The following IQCJ variants were observed in gnomAD, a reference collection of about 807,000 sequenced individuals.
IQCJ encodes IQ domain-containing protein J.
A neutral mutation model predicts 11.0 loss-of-function variants in IQCJ; 9 were observed. That is an observed-to-expected ratio of 0.82 (90% CI 0.49 to 1.43). The LOEUF (loss-of-function observed/expected upper bound fraction) is 1.43, where lower values mean the gene tolerates loss of function less well. IQCJ is among the 40% of genes most tolerant of loss of function. IQCJ has a pLI of 0.00. For missense variants in IQCJ, 146 were observed against 133.2 expected, an observed-to-expected ratio of 1.10 and a Z score of -0.47; for synonymous variants, 55 against 51.3, an observed-to-expected ratio of 1.07 and a Z score of -0.31.
chr3:159,222,065 A>G lies in IQCJ; in HGVS notation c.10-23778A>G, dbSNP rs140757137. Among the ~76,000 whole-genome samples the G allele has an allele frequency of 4.0e-3, 610 of 152,284 alleles. 2 individuals carry two copies. Among genetic ancestry groups the G allele is most frequent in the Middle Eastern group, 0.024 (7 of 294 alleles). Reference sequence around the variant, plus strand: ...AGTCAAAGCAAGGGAACCATATACTAAAATTGTAATACAAGAAACTTTCCT... The same window carrying G: ...AGTCAAAGCAAGGGAACCATATACTGAAATTGTAATACAAGAAACTTTCCT... On this transcript the variant is annotated intron_variant, in intron 1 of 3. Transcript: ENST00000397832.
At chr3:159,104,430 A>G (rs1402919089) in intron 1 of IQCJ, among the ~76,000 whole-genome samples, 1 of 152,194 alleles carries the variant, frequency 6.6e-6, no homozygotes, top group African/African-American at 2.4e-5. Flanking sequence ...ATACATAGTC[A>G]CTGTGTGTAA....
chr3:159,091,970 G>A (rs1717343309), intron 1 of IQCJ, among the ~76,000 whole-genome samples: 1 of 151,742 alleles, frequency 6.6e-6, no homozygotes, highest in Non-Finnish European at 1.5e-5. Flanking sequence ...TAAGCAAAGA[G>A]TGTCAATGGA....
At chr3:159,122,694 T>C (rs1719445813) in intron 1 of IQCJ, among the ~76,000 whole-genome samples, 1 of 152,204 alleles carries the variant, frequency 6.6e-6, no homozygotes, top group South Asian at 2.1e-4. Context: ...AAAGTGAAAA[T>C]AAAAGAGAAA....
At chr3:159,094,922 C>T (rs1326982240) in intron 1 of IQCJ, among the ~76,000 whole-genome samples, 1 of 151,696 alleles carries the variant, frequency 6.6e-6, no homozygotes, top group Non-Finnish European at 1.5e-5. Flanking sequence ...GAAGTTATTC[C>T]ACATCAGGTA....
rs143848899 is a variant in IQCJ at position 159,216,379 on chromosome 3, A to G, written c.10-29464A>G. On this transcript the variant is annotated intron_variant, in intron 1 of 3. Transcript: ENST00000397832. ...ATACGCATAAAGAAAATTCATAATT[A>G]CTTTCTTTTCAGATGCTTCTGCATG... Among the ~76,000 whole-genome samples, 976 of 152,272 alleles carry G rather than the reference A, an allele frequency of 6.4e-3. 7 individuals carry two copies. Among genetic ancestry groups the G allele is most frequent in the African/African-American group, 0.022 (930 of 41,534 alleles).
chr3:159,085,411 A>G (rs1368700833), intron 1 of IQCJ, among the ~76,000 whole-genome samples: 1 of 152,174 alleles, frequency 6.6e-6, no homozygotes, highest in Admixed American at 6.5e-5. Flanking sequence ...AGCATGATTT[A>G]TAGTCATTTG....
At chr3:159,158,772 G>T (rs1381329118) in intron 1 of IQCJ, among the ~76,000 whole-genome samples, 1 of 152,190 alleles carries the variant, frequency 6.6e-6, no homozygotes, top group Non-Finnish European at 1.5e-5. Context: ...TCACACTATA[G>T]TCATTGCAAA....
intron 1 of IQCJ, among the ~76,000 whole-genome samples, chr3:159,155,389 C>T (rs751798523): frequency 3.9e-5 from 6 of 152,128 alleles, no homozygotes; most frequent in Admixed American, 1.3e-4. Flanking sequence ...AACTCCTGAC[C>T]TCAAGTAATC....
At chr3:159,188,101 T>C (rs1723477521) in intron 1 of IQCJ, among the ~76,000 whole-genome samples, 1 of 152,198 alleles carries the variant, frequency 6.6e-6, no homozygotes, top group South Asian at 2.1e-4. Context: ...TCAGCCTTTT[T>C]CTTTCTTTCA....
intron 1 of IQCJ, among the ~76,000 whole-genome samples, chr3:159,212,261 G>A (rs1724997438): frequency 6.6e-6 from 1 of 152,054 alleles, no homozygotes; most frequent in South Asian, 2.1e-4. Flanking sequence ...CATGAACTTT[G>A]GAAGTAGAGT....
At chr3:159,228,646 C>T (rs2108140727) in intron 1 of IQCJ, among the ~76,000 whole-genome samples, 1 of 152,246 alleles carries the variant, frequency 6.6e-6, no homozygotes, top group Non-Finnish European at 1.5e-5. Flanking sequence ...AAAAAATTAG[C>T]CGGGCGTAGT....
intron 1 of IQCJ, among the ~76,000 whole-genome samples, chr3:159,215,764 C>A (rs1474909031): frequency 6.6e-6 from 1 of 152,042 alleles, no homozygotes; most frequent in Non-Finnish European, 1.5e-5. Context: ...AGGCAATGAA[C>A]AGCTGGACTC....
intron 3 of IQCJ, among the ~76,000 whole-genome samples, chr3:159,254,602 C>T (rs1254125736): frequency 6.6e-6 from 1 of 152,174 alleles, no homozygotes; most frequent in Non-Finnish European, 1.5e-5. Flanking sequence ...TCTTAACTCT[C>T]ATGGCAGGTT....
intron 1 of IQCJ, among the ~76,000 whole-genome samples, chr3:159,113,315 G>A (rs961319202): frequency 5.9e-5 from 9 of 152,206 alleles, no homozygotes; most frequent in Non-Finnish European, 1.2e-4. Context: ...AAAAACAGAA[G>A]CAAGAGGATG....
chr3:159,202,239 C>A (rs1724394342), intron 1 of IQCJ, among the ~76,000 whole-genome samples: 1 of 152,104 alleles, frequency 6.6e-6, no homozygotes, highest in Admixed American at 6.6e-5. Context: ...GAGTTTTAAA[C>A]CCCAGTTCCC....
In IQCJ at chr3:159,238,380, A is replaced by G. The variant is rs1007591646; in HGVS notation, c.10-7463A>G. On this transcript the variant is annotated intron_variant, in intron 1 of 3. Coordinates refer to ENST00000397832, the MANE Select transcript of IQCJ (RefSeq NM_001042706.3). ...GACACAGGGAAGAATGGAGAAGAGTAAAGACTGTATCTGACAGGCAGACAA... is the reference window on the plus strand; with the variant it reads ...GACACAGGGAAGAATGGAGAAGAGTGAAGACTGTATCTGACAGGCAGACAA... 2.0e-5 allele frequency among the ~76,000 whole-genome samples: 3 copies of G among 152,352 alleles called. No individual in the cohort carries two copies. The East Asian group carries it at 5.8e-4, about 29-fold the overall frequency.
rs939109835 is a variant in IQCJ at position 159,166,212 on chromosome 3, C to T, written c.10-79631C>T. On this transcript the variant is annotated intron_variant, in intron 1 of 3. Transcript: ENST00000397832. Reference sequence around the variant, plus strand: ...GCATGTGATAAATTAGATAACTCTTCATCCAACTTTGAGCAAACTTATATA... The same window carrying T: ...GCATGTGATAAATTAGATAACTCTTTATCCAACTTTGAGCAAACTTATATA... Among the ~76,000 whole-genome samples, 4 of 152,282 alleles carry T rather than the reference C, an allele frequency of 2.6e-5. 1 individual carries two copies. The South Asian group carries it at 8.3e-4, about 32-fold the overall frequency.
downstream of IQCJ, chr3:159,265,320 G>T: frequency 6.2e-7 from 1 of 1,613,846 alleles, no homozygotes; most frequent in Non-Finnish European, 8.5e-7. Context: ...TCTCTACCTT[G>T]ACCAGCTTGC....
chr3:159,253,744 A>G (rs1028571643), intron 3 of IQCJ, among the ~76,000 whole-genome samples: 2 of 152,182 alleles, frequency 1.3e-5, no homozygotes, highest in Non-Finnish European at 2.9e-5. Context: ...TGCAAGGAGG[A>G]ATCTTTTAGA....
Sources: allele counts gnomAD v4.1 joint callset (sites outside exome capture counted in the v4.1 genomes callset), GRCh38; gene constraint gnomAD v4.1.1; transcripts MANE v1.5; gene names NCBI Gene and HGNC (gene_info 2026-07-23, HGNC 2026-07-21).